PRR5: variants seen among roughly 807,000 people sequenced by gnomAD.
The protein encoded by PRR5 is proline-rich protein 5.
In PRR5, 25 loss-of-function variants were observed where a neutral mutation model predicts 30.6. The ratio of observed to expected loss-of-function variants is 0.82; its 90% CI spans 0.60 to 1.14. The LOEUF (loss-of-function observed/expected upper bound fraction) is 1.14. PRR5 is among the 50% of genes most tolerant of loss of function. The probability of loss-of-function intolerance (pLI) is 0.00; values close to 1 mark genes in which losing one functional copy is unlikely to be tolerated. For synonymous variants in PRR5, 286 were observed against 247.1 expected, an observed-to-expected ratio of 1.16 and a Z score of -1.48; for missense variants, 600 against 547.1, an observed-to-expected ratio of 1.10 and a Z score of -0.96.
Position 44,736,979 on chromosome 22 carries a change from G to T in PRR5, c.899G>T (p.Gly300Val), listed in dbSNP as rs1172816278. Residue 300 changes from glycine (G) to valine (V), a missense_variant, in exon 8 of 8, where the codon GGC (glycine) becomes GTC (valine). By Grantham distance (109) the Gly-to-Val change is moderately radical (BLOSUM62 -3). Transcript: ENST00000336985. ...CCTCAGGGCTTCTCCGACCCGCCCG[G>T]CCAGGGCCCCACCGGGACCTTCAGG... ...PEPQGFSDPP[G>V]QGPTGTFRSS... 1 of 1,600,594 alleles carries T rather than the reference G, an allele frequency of 6.2e-7. No individual in the cohort carries two copies.
intron 1 of PRR5, among the ~76,000 whole-genome samples, chr22:44,686,612 T>C (rs1569068025): frequency 6.6e-6 from 1 of 151,978 alleles, no homozygotes; most frequent in Non-Finnish European, 1.5e-5. Context: ...ACCTCCCAGC[T>C]TCAAGCGATT....
intron 1 of PRR5, among the ~76,000 whole-genome samples, chr22:44,696,754 T>TATTG (rs397801311): frequency 1.3e-5 from 2 of 152,008 alleles, no homozygotes; most frequent in African/African-American, 4.8e-5. Context: ...TTTATTTATT[T>TATTG]GAGATGCAGT....
chr22:44,710,287 C>G (rs940943348), intron 1 of PRR5, among the ~76,000 whole-genome samples: 9 of 25,660 alleles, frequency 3.5e-4, no homozygotes, highest in Admixed American at 2.7e-3. Flanking sequence ...TCACCTGCAC[C>G]CCCCCCCCAG....
At chr22:44,716,810 C>T (rs1329257108) in intron 2 of PRR5, among the ~76,000 whole-genome samples, 9 of 152,142 alleles carry the variant, frequency 5.9e-5, no homozygotes, top group Non-Finnish European at 1.3e-4. Flanking sequence ...CCTGTAATCC[C>T]AGCACTTTGG....
intron 1 of PRR5, 103 bp downstream of exon 1, chr22:44,702,711 G>T: frequency 8.2e-7 from 1 of 1,221,394 alleles, no homozygotes; most frequent in Non-Finnish European, 1.0e-6. Flanking sequence ...GAACGCTGCC[G>T]AAGGCGGCGC....
intron 1 of PRR5, among the ~76,000 whole-genome samples, chr22:44,680,858 G>C (rs1329734290): frequency 6.6e-6 from 1 of 152,218 alleles, no homozygotes; most frequent in African/African-American, 2.4e-5. Context: ...GAGCCAAGGT[G>C]GGATTTGAGA....
intron 1 of PRR5, among the ~76,000 whole-genome samples, chr22:44,703,116 G>A (rs2147009476): frequency 6.6e-6 from 1 of 152,312 alleles, no homozygotes; most frequent in South Asian, 2.1e-4. Context: ...TGCGGCAGCT[G>A]CGAGGCATTC....
At chr22:44,682,039 C>T (rs999899947) in intron 1 of PRR5, among the ~76,000 whole-genome samples, 4 of 152,212 alleles carry the variant, frequency 2.6e-5, no homozygotes, top group Non-Finnish European at 5.9e-5. Flanking sequence ...CTGCTCCACG[C>T]GGCCATGGAC....
intron 2 of PRR5, among the ~76,000 whole-genome samples, chr22:44,722,225 C>T (rs1233307482): frequency 6.6e-6 from 1 of 152,222 alleles, no homozygotes; most frequent in Non-Finnish European, 1.5e-5. Context: ...AGGAGCAGGG[C>T]CAGGCTCCAG....
At position 44,703,621 on chromosome 22, in the gene PRR5, G is replaced by C. The variant is rs528341522; in HGVS notation, c.134+1013G>C. ...GCCTCCGTTTCCCTCTCCGTCAGTG[G>C]GTATTCGCATTCCTCCCTGTGGGGA... On this transcript the variant is annotated intron_variant, in intron 1 of 7. Transcript: ENST00000336985. 3.3e-5 allele frequency among the ~76,000 whole-genome samples: 5 copies of C among 152,268 alleles called. No individual in the cohort carries two copies. In the East Asian group the frequency reaches 7.7e-4, roughly 24 times the overall value.
intron 6 of PRR5, among the ~76,000 whole-genome samples, chr22:44,732,752 A>G (rs545687506): frequency 5.3e-5 from 8 of 150,860 alleles, no homozygotes; most frequent in African/African-American, 1.7e-4. Context: ...ACACGTGTGC[A>G]CGCACACGCT....
At chr22:44,731,605 C>T (rs752932875) in intron 4 of PRR5, 125 bp from the exon 5 acceptor site, 29 of 866,484 alleles carry the variant, frequency 3.3e-5, no homozygotes, top group Non-Finnish European at 5.5e-5. Context: ...CGACCTTGGG[C>T]AGGTGCTGCC....
chr22:44,725,895 C>G, intron 3 of PRR5, among the ~76,000 whole-genome samples: 1 of 152,176 alleles, frequency 6.6e-6, no homozygotes, highest in Non-Finnish European at 1.5e-5. Context: ...AACTCCTGAC[C>G]TCGAGGTGAT....
At chr22:44,699,298 C>A (rs1358066561), upstream of PRR5, among the ~76,000 whole-genome samples, 1 of 152,188 alleles carries the variant, frequency 6.6e-6, no homozygotes, top group East Asian at 1.9e-4. Flanking sequence ...TGGAGCTGGC[C>A]CCTCCTGCCA....
chr22:44,681,089 C>T (rs936965592), intron 1 of PRR5, among the ~76,000 whole-genome samples: 1 of 152,210 alleles, frequency 6.6e-6, no homozygotes, highest in Non-Finnish European at 1.5e-5. Context: ...TCTCTCTCGG[C>T]CCCTGCATCT....
chr22:44,722,849 A>T (rs1013877488), intron 2 of PRR5, among the ~76,000 whole-genome samples: 34 of 152,114 alleles, frequency 2.2e-4, no homozygotes, highest in Admixed American at 1.5e-3. Flanking sequence ...TTTTCCCAGC[A>T]TGTTGCTTTT....
rs181953815 is a variant in PRR5 at position 44,708,445 on chromosome 22, C to T, written c.134+5837C>T. On this transcript the variant is annotated intron_variant, in intron 1 of 7. Coordinates refer to ENST00000336985, the MANE Select transcript of PRR5 (RefSeq NM_181333.4). Reference sequence around the variant, plus strand: ...GCAGGGCCCTAAAGGACCTTGTCTGCACTCCCTGGTCCTGGACAGGAACCA... The same window carrying T: ...GCAGGGCCCTAAAGGACCTTGTCTGTACTCCCTGGTCCTGGACAGGAACCA... Among the ~76,000 whole-genome samples, 544 of 152,242 alleles carry T rather than the reference C, an allele frequency of 3.6e-3. 3 individuals are homozygous for T. Among genetic ancestry groups the T allele is most frequent in the Middle Eastern group, 6.8e-3 (2 of 294 alleles).
At chr22:44,708,753 G>T (rs1187755055) in intron 1 of PRR5, among the ~76,000 whole-genome samples, 1 of 152,066 alleles carries the variant, frequency 6.6e-6, no homozygotes, top group African/African-American at 2.4e-5. Context: ...GATCATCTGA[G>T]GTCAGGAGTT....
upstream of PRR5, chr22:44,676,751 G>C (rs946775414): frequency 3.3e-5 from 5 of 152,398 alleles, no homozygotes; most frequent in Admixed American, 6.5e-5. Context: ...GGAATGAGCT[G>C]TCTGGGCTCC....
Sources: allele counts gnomAD v4.1 joint callset (sites outside exome capture counted in the v4.1 genomes callset), GRCh38; gene constraint gnomAD v4.1.1; transcripts MANE v1.5; gene names NCBI Gene and HGNC (gene_info 2026-07-23, HGNC 2026-07-21).